The following RAMP1 variants were observed in gnomAD, a reference collection of about 807,000 sequenced individuals.
The protein encoded by RAMP1 is receptor activity modifying protein 1.
RAMP1 carries 7 observed loss-of-function variants against 8.2 expected under a neutral mutation model. The observed-to-expected ratio is 0.85, with a 90% CI of 0.49 to 1.60. The LOEUF (loss-of-function observed/expected upper bound fraction) is 1.60, where lower values mean the gene tolerates loss of function less well. RAMP1 is among the 40% of genes most tolerant of loss of function. The pLI is 0.00. For synonymous variants in RAMP1, 92 were observed against 84.7 expected, an observed-to-expected ratio of 1.09 and a Z score of -0.47; for missense variants, 192 against 202.4, an observed-to-expected ratio of 0.95 and a Z score of 0.31.
Position 237,911,891 on chromosome 2 carries a change from C to T in RAMP1, c.*108C>T, listed in dbSNP as rs2062720341. On this transcript the variant is annotated 3_prime_UTR_variant, in exon 3 of 3. Coordinates refer to ENST00000254661, the MANE Select transcript of RAMP1 (RefSeq NM_005855.4). Reference sequence around the variant, plus strand: ...TGGGACAGAGCAGGCCCACAATGCCCCCCTTCTTCCAGCCAAGAAGAGCTC... The same window carrying T: ...TGGGACAGAGCAGGCCCACAATGCCTCCCTTCTTCCAGCCAAGAAGAGCTC... 1.4e-6 allele frequency: 2 copies of T among 1,423,036 alleles called. No homozygotes were observed. The highest frequency in any genetic ancestry group is 1.4e-5 in the African/African-American group (1 of 69,696). 88.2% of individuals were successfully genotyped at this position (1,423,036 alleles called of 1,614,324 possible).
intron 2 of RAMP1, among the ~76,000 whole-genome samples, chr2:237,907,300 T>C (rs2062663468): frequency 6.6e-6 from 1 of 152,220 alleles, no homozygotes. Context: ...TGCTTTGTTT[T>C]CTGTCCTGCT....
intron 1 of RAMP1, among the ~76,000 whole-genome samples, chr2:237,869,101 TTG>T (rs2062218093): frequency 6.6e-6 from 1 of 151,938 alleles, no homozygotes; most frequent in African/African-American, 2.4e-5. Context: ...TCCATGCGCA[TTG>T]TGTGAAAACC....
rs2062720448 is a variant in RAMP1 at position 237,911,893 on chromosome 2, CCTT to C, written c.*115_*117del. On this transcript the variant is annotated 3_prime_UTR_variant, in exon 3 of 3. Coordinates refer to ENST00000254661, the MANE Select transcript of RAMP1 (RefSeq NM_005855.4). ...GGACAGAGCAGGCCCACAATGCCCC[CCTT>C]CTTCCAGCCAAGAAGAGCTCACAGG... 1 of 1,421,006 alleles carries C rather than the reference CCTT, an allele frequency of 7.0e-7. No individual in the cohort carries two copies. Among genetic ancestry groups the C allele is most frequent in the African/African-American group, 1.4e-5 (1 of 69,618 alleles). The allele number at this position is 1,421,006 out of a possible 1,614,324, so 88.0% of individuals were successfully genotyped here.
chr2:237,900,453 AC>A (rs1203947742), intron 2 of RAMP1, among the ~76,000 whole-genome samples: 2 of 49,716 alleles, frequency 4.0e-5, no homozygotes, highest in Non-Finnish European at 8.9e-5. Flanking sequence ...GAGCCACCGC[AC>A]CTGGCCTATA....
intron 2 of RAMP1, among the ~76,000 whole-genome samples, chr2:237,879,628 C>T (rs1388202362): frequency 8.0e-6 from 1 of 125,180 alleles, no homozygotes; most frequent in Non-Finnish European, 1.7e-5. Flanking sequence ...ACCAATATGG[C>T]ACATGTATAC....
chr2:237,868,106 C>T (rs1221880883), intron 1 of RAMP1, among the ~76,000 whole-genome samples: 4 of 148,576 alleles, frequency 2.7e-5, no homozygotes, highest in Admixed American at 6.7e-5. Flanking sequence ...TGCAGTGGAG[C>T]GATGTCAGCT....
intron 2 of RAMP1, among the ~76,000 whole-genome samples, chr2:237,902,897 T>A (rs182230302): frequency 7.7e-4 from 117 of 152,390 alleles, no homozygotes; most frequent in Non-Finnish European, 1.5e-3. Context: ...GTCCTTCGTG[T>A]TATTACCATT....
chr2:237,860,015 C>G (rs2062117237), intron 1 of RAMP1: 1 of 330,654 alleles, frequency 3.0e-6, no homozygotes, highest in Non-Finnish European at 5.5e-6. Context: ...TGAGTCAGCC[C>G]TGCACACTGG....
chr2:237,904,135 C>T (rs535204948), intron 2 of RAMP1, among the ~76,000 whole-genome samples: 1 of 152,280 alleles, frequency 6.6e-6, no homozygotes, highest in Admixed American at 6.5e-5. Flanking sequence ...AATATTGGGC[C>T]GGGCTCAGTG....
chr2:237,895,612 C>T (rs566351853), intron 2 of RAMP1, among the ~76,000 whole-genome samples: 84 of 152,240 alleles, frequency 5.5e-4, no homozygotes, highest in South Asian at 3.5e-3. Flanking sequence ...TGCAGGGCGC[C>T]CCGTGGGTGG....
At chr2:237,910,889 TCA>T (rs951987669) in intron 2 of RAMP1, among the ~76,000 whole-genome samples, 5 of 140,886 alleles carry the variant, frequency 3.5e-5, no homozygotes, top group East Asian at 2.2e-4. Flanking sequence ...TCACACACAG[TCA>T]CACACACAGA....
intron 2 of RAMP1, among the ~76,000 whole-genome samples, chr2:237,901,302 C>T (rs557974611): frequency 1.1e-4 from 17 of 152,346 alleles, no homozygotes; most frequent in Admixed American, 2.0e-4. Flanking sequence ...CTCCCTGCCC[C>T]GGTGGTGTCT....
At chr2:237,859,800 G>T in intron 1 of RAMP1, 73 bp downstream of exon 1, 1 of 964,282 alleles carries the variant, frequency 1.0e-6, no homozygotes, top group South Asian at 2.6e-5. Context: ...GAGAGGAGGG[G>T]AGCGGGTGGG....
chr2:237,864,224 G>A (rs1015391818), intron 1 of RAMP1, among the ~76,000 whole-genome samples: 4 of 152,130 alleles, frequency 2.6e-5, no homozygotes, highest in Admixed American at 6.5e-5. Flanking sequence ...CTGTTCTCCC[G>A]GACCACGTAT....
At position 237,878,246 on chromosome 2, in the gene RAMP1, C is replaced by T; in HGVS notation, c.191+884C>T. 6 of 932,882 alleles carry T rather than the reference C, an allele frequency of 6.4e-6. 1 individual carries two copies. The highest frequency in any genetic ancestry group is 7.7e-6 in the Non-Finnish European group (6 of 782,114). The allele number at this position is 932,882 out of a possible 1,614,324, so 57.8% of individuals were successfully genotyped here. A position where few individuals can be genotyped will look rare whatever the true frequency, so the allele number is the denominator to read the frequency against. Reference sequence around the variant, plus strand: ...TGCCCCACCGATGACAAGCGCTTTCCCCAGTGCCTGAGAGAAAGGGAGCCC... The same window carrying T: ...TGCCCCACCGATGACAAGCGCTTTCTCCAGTGCCTGAGAGAAAGGGAGCCC... On this transcript the variant is annotated intron_variant, in intron 2 of 2. Coordinates refer to ENST00000254661, the MANE Select transcript of RAMP1 (RefSeq NM_005855.4). This position sits in a 1 kb window ranked among gnomAD's most constrained non-coding sequence, Gnocchi z 5.7.
chr2:237,876,152 C>T (rs906412352), intron 1 of RAMP1, among the ~76,000 whole-genome samples: 46 of 152,148 alleles, frequency 3.0e-4, no homozygotes, highest in African/African-American at 1.0e-3. Context: ...CTCAGCAGTC[C>T]GAGGGGCCCC....
intron 2 of RAMP1, among the ~76,000 whole-genome samples, chr2:237,891,056 A>G (rs929157455): frequency 1.1e-4 from 16 of 152,292 alleles, no homozygotes; most frequent in African/African-American, 3.8e-4. Flanking sequence ...TCTTGAAAAT[A>G]ATAAAGACAT....
chr2:237,905,540 TTC>T (rs748821212), intron 2 of RAMP1, among the ~76,000 whole-genome samples: 1 of 152,192 alleles, frequency 6.6e-6, no homozygotes, highest in Non-Finnish European at 1.5e-5. Context: ...CTCCTTCCTG[TTC>T]TGTTTGGCCA....
At chr2:237,896,573 T>C (rs949859131) in intron 2 of RAMP1, among the ~76,000 whole-genome samples, 1 of 152,160 alleles carries the variant, frequency 6.6e-6, no homozygotes. Context: ...AAGGAGGGGG[T>C]AAGAACACCT....
Sources: gnomAD v4.1 joint callset for allele counts (sites outside exome capture counted in the v4.1 genomes callset) on GRCh38, gnomAD v4.1.1 for gene constraint, Gnocchi (gnomAD v3.1) non-coding constraint, MANE v1.5 for transcripts, NCBI Gene and HGNC (gene_info 2026-07-23, HGNC 2026-07-21) for gene names.